The following RAD51B variants were observed in gnomAD, a reference collection of about 807,000 sequenced individuals.
RAD51B encodes RAD51 paralog B, also known as DNA repair protein RAD51 homolog 2.
RAD51B carries 38 observed loss-of-function variants against 42.2 expected under a neutral mutation model. The ratio of observed to expected loss-of-function variants is 0.90; its 90% CI spans 0.70 to 1.18. The LOEUF (loss-of-function observed/expected upper bound fraction) is 1.18. RAD51B is among the 50% of genes most tolerant of loss of function. RAD51B has a pLI of 0.00. For missense variants in RAD51B, 373 were observed against 400.7 expected (o/e 0.93, Z 0.59); for synonymous variants, 154 against 145.2 (o/e 1.06, Z -0.43).
At position 68,326,038 on chromosome 14, in the gene RAD51B, C is replaced by CTTTTTT. The variant is rs763428544; in HGVS notation, c.853+34072_853+34077dup. On this transcript the variant is annotated intron_variant, in intron 8 of 10. Coordinates refer to ENST00000471583, the MANE Select transcript of RAD51B (RefSeq NM_133510.4). Reference sequence around the variant, plus strand: ...ATAATGTTGTTATTCTTTTTCTTTTCTTTTTTTTTTTTTTTTTTTGAGACG... The same window carrying CTTTTTT: ...ATAATGTTGTTATTCTTTTTCTTTTCTTTTTTTTTTTTTTTTTTTTTTTTTGAGACG... Among the ~76,000 whole-genome samples the CTTTTTT allele has an allele frequency of 1.4e-3, 113 of 80,424 alleles. 1 individual carries two copies. The highest frequency in any genetic ancestry group is 2.4e-3 in the East Asian group (8 of 3,270). The allele number at this position is 80,424 out of a possible 152,430, so 52.8% of individuals were successfully genotyped here. A position where few individuals can be genotyped will look rare whatever the true frequency, so the allele number is the denominator to read the frequency against.
intron 7 of RAD51B, among the ~76,000 whole-genome samples, chr14:68,154,156 G>A (rs2078450658): frequency 1.3e-5 from 2 of 152,160 alleles, no homozygotes; most frequent in African/African-American, 4.8e-5. Flanking sequence ...ACCAGACATT[G>A]TGAATTTCAC....
chr14:68,219,142 G>A (rs1203130488), intron 7 of RAD51B, among the ~76,000 whole-genome samples: 9 of 152,166 alleles, frequency 5.9e-5, no homozygotes, highest in Non-Finnish European at 1.0e-4. Flanking sequence ...CCATAATCTT[G>A]CGTATCAGAG....
chr14:68,534,009 G>C (rs1317159472), intron 10 of RAD51B, among the ~76,000 whole-genome samples: 1 of 152,172 alleles, frequency 6.6e-6, no homozygotes, highest in Non-Finnish European at 1.5e-5. Context: ...GGACATGCGA[G>C]GAGGTGATAA....
At chr14:68,393,551 TC>T (rs2083822283) in intron 8 of RAD51B, among the ~76,000 whole-genome samples, 1 of 152,206 alleles carries the variant, frequency 6.6e-6, no homozygotes, top group African/African-American at 2.4e-5. Context: ...TAGTAGAGCT[TC>T]TAAATCTAAA....
At chr14:67,941,373 C>T (rs1364289925) in intron 7 of RAD51B, among the ~76,000 whole-genome samples, 2 of 152,146 alleles carry the variant, frequency 1.3e-5, no homozygotes, top group Non-Finnish European at 2.9e-5. Flanking sequence ...TGCATGTAGA[C>T]TAATGGGTTT....
chr14:68,549,711 G>A (rs1481107974), intron 10 of RAD51B, among the ~76,000 whole-genome samples: 1 of 150,560 alleles, frequency 6.6e-6, no homozygotes, highest in Admixed American at 6.6e-5. Context: ...ACCGCGCCCG[G>A]CCGCCCTGGA....
intron 7 of RAD51B, chr14:68,130,152 T>C (rs2140672272): frequency 6.6e-6 from 1 of 152,358 alleles, no homozygotes; most frequent in East Asian, 1.9e-4. Context: ...TCTTGTTTTC[T>C]TGGTATCAGC....
At chr14:67,989,464 C>T (rs1328044871) in intron 7 of RAD51B, among the ~76,000 whole-genome samples, 3 of 151,582 alleles carry the variant, frequency 2.0e-5, no homozygotes, top group Admixed American at 6.6e-5. Flanking sequence ...GGAGAAACCC[C>T]ATCTCTACTA....
chr14:68,206,676 ATT>A (rs1191775941), intron 7 of RAD51B, among the ~76,000 whole-genome samples: 1 of 131,532 alleles, frequency 7.6e-6, no homozygotes, highest in Non-Finnish European at 1.7e-5. Flanking sequence ...TCCACCGTCT[ATT>A]TTTTTTTTTT....
chr14:68,191,977 T>A (rs2079276653), intron 7 of RAD51B, among the ~76,000 whole-genome samples: 1 of 152,170 alleles, frequency 6.6e-6, no homozygotes, highest in Non-Finnish European at 1.5e-5. Flanking sequence ...TACACTCAGA[T>A]TCACCTTTAT....
At chr14:68,257,888 G>A (rs747779259) in intron 7 of RAD51B, among the ~76,000 whole-genome samples, 1 of 152,164 alleles carries the variant, frequency 6.6e-6, no homozygotes, top group African/African-American at 2.4e-5. Context: ...GATTATTAAT[G>A]TTTTTAATTA....
chr14:68,046,957 G>C (rs1053351102), intron 7 of RAD51B, among the ~76,000 whole-genome samples: 1 of 149,816 alleles, frequency 6.7e-6, no homozygotes, highest in African/African-American at 2.4e-5. Context: ...TTTGTTTTTT[G>C]CTTTTTGTTT....
At chr14:68,594,807 A>G (rs1296187622) in exon 11 of RAD51B, 12 of 1,235,356 alleles carry the variant, frequency 9.7e-6, no homozygotes, top group Non-Finnish European at 1.2e-5. Flanking sequence ...AAAGGGGGCA[A>G]TGGAGTGACA....
intron 7 of RAD51B, among the ~76,000 whole-genome samples, chr14:67,996,398 A>G (rs960280485): frequency 2.0e-5 from 3 of 149,924 alleles, no homozygotes; most frequent in African/African-American, 7.5e-5. Flanking sequence ...TTCTTTCTCA[A>G]AAAATAACAA....
intron 10 of RAD51B, among the ~76,000 whole-genome samples, chr14:68,589,820 T>G (rs545176180): frequency 3.3e-5 from 5 of 152,232 alleles, no homozygotes; most frequent in Admixed American, 2.0e-4. Context: ...ATTTTCTTTC[T>G]AATGGTTACA....
chr14:68,659,114 G>A (rs1430916779), intron 11 of RAD51B, among the ~76,000 whole-genome samples: 1 of 152,220 alleles, frequency 6.6e-6, no homozygotes, highest in Non-Finnish European at 1.5e-5. Flanking sequence ...CAGCGCTGGG[G>A]GAAAGCCCTG....
At chr14:68,175,988 A>G (rs1015824324) in intron 7 of RAD51B, among the ~76,000 whole-genome samples, 6 of 152,128 alleles carry the variant, frequency 3.9e-5, no homozygotes, top group Non-Finnish European at 8.8e-5. Flanking sequence ...TTTCTCTTCC[A>G]TCACAGTAAG....
intron 7 of RAD51B, among the ~76,000 whole-genome samples, chr14:68,022,800 T>G (rs1387307777): frequency 6.6e-6 from 1 of 152,138 alleles, no homozygotes; most frequent in East Asian, 1.9e-4. Context: ...TCCTCACCCT[T>G]CTCCCACCCT....
At chr14:68,205,718 T>C (rs972427331) in intron 7 of RAD51B, among the ~76,000 whole-genome samples, 15 of 152,128 alleles carry the variant, frequency 9.9e-5, no homozygotes, top group African/African-American at 3.6e-4. Flanking sequence ...TTGCTAATAT[T>C]TTACCACATT....
Sources: allele counts gnomAD v4.1 joint callset (sites outside exome capture counted in the v4.1 genomes callset), GRCh38; gene constraint gnomAD v4.1.1; transcripts MANE v1.5; gene names NCBI Gene and HGNC (gene_info 2026-07-23, HGNC 2026-07-21).